Variants in ZBTB7C observed in about 807,000 individuals in gnomAD.
ZBTB7C encodes the protein zinc finger and BTB domain-containing protein 7C.
ZBTB7C carries 8 observed loss-of-function variants against 25.7 expected under a neutral mutation model. The ratio of observed to expected loss-of-function variants is 0.31; its 90% CI spans 0.18 to 0.56. ZBTB7C has a LOEUF of 0.56. ZBTB7C is among the 20% of genes least tolerant of loss of function. The pLI is 0.91. For synonymous variants in ZBTB7C, 394 were observed against 369.0 expected (o/e 1.07, Z -0.78); for missense variants, 824 against 855.2 (o/e 0.96, Z 0.46).
chr18:48,111,836 T>C (rs1446588658), intron 3 of ZBTB7C, among the ~76,000 whole-genome samples: 1 of 152,150 alleles, frequency 6.6e-6, no homozygotes, highest in African/African-American at 2.4e-5. Context: ...ATAAACACAG[T>C]TTTTGGCAGG....
intron 1 of ZBTB7C, among the ~76,000 whole-genome samples, chr18:48,399,522 G>A (rs984790984): frequency 2.6e-5 from 4 of 152,192 alleles, no homozygotes; most frequent in Non-Finnish European, 5.9e-5. Context: ...GCTGCAGAAG[G>A]ACTGGCCGGT....
chr18:48,058,700 C>G (rs914354450), intron 3 of ZBTB7C, among the ~76,000 whole-genome samples: 19 of 152,328 alleles, frequency 1.2e-4, no homozygotes, highest in Non-Finnish European at 2.4e-4. Flanking sequence ...TGCATTGTAT[C>G]AGGGCTGGTA....
intron 2 of ZBTB7C, among the ~76,000 whole-genome samples, chr18:48,199,552 T>C (rs938465640): frequency 2.6e-5 from 4 of 152,216 alleles, no homozygotes; most frequent in African/African-American, 7.2e-5. Context: ...TACAGTTTTA[T>C]TGAAGTTTTC....
intron 3 of ZBTB7C, among the ~76,000 whole-genome samples, chr18:48,108,110 C>T (rs957780498): frequency 6.6e-6 from 1 of 152,148 alleles, no homozygotes; most frequent in Non-Finnish European, 1.5e-5. Flanking sequence ...AGGGGAGATT[C>T]AGGCAGCTGG....
chr18:48,224,594 C>T (rs537683717), intron 2 of ZBTB7C, among the ~76,000 whole-genome samples: 13 of 152,256 alleles, frequency 8.5e-5, no homozygotes, highest in African/African-American at 2.9e-4. Flanking sequence ...CAGAGTTTTC[C>T]AGAACTCTGT....
At chr18:48,210,267 C>T (rs2042672380) in intron 2 of ZBTB7C, among the ~76,000 whole-genome samples, 1 of 152,110 alleles carries the variant, frequency 6.6e-6, no homozygotes, top group Non-Finnish European at 1.5e-5. Context: ...GGCAGTTACT[C>T]AAAAGGTTAA....
chr18:48,296,367 T>C (rs1324712788), intron 2 of ZBTB7C, among the ~76,000 whole-genome samples: 1 of 152,124 alleles, frequency 6.6e-6, no homozygotes. Context: ...CCTCTAGTGG[T>C]CCCCGCTAAC....
chr18:48,351,353 G>A (rs1257962319), intron 1 of ZBTB7C, among the ~76,000 whole-genome samples: 2 of 152,078 alleles, frequency 1.3e-5, no homozygotes, highest in Non-Finnish European at 2.9e-5. Flanking sequence ...GGACAAAGCC[G>A]GCAGCCAGCA....
At chr18:48,143,758 C>T (rs2040418943) in intron 3 of ZBTB7C, among the ~76,000 whole-genome samples, 1 of 152,156 alleles carries the variant, frequency 6.6e-6, no homozygotes, top group Non-Finnish European at 1.5e-5. Flanking sequence ...ACCTGTTGGC[C>T]TGCCTTCTGC....
intron 3 of ZBTB7C, among the ~76,000 whole-genome samples, chr18:48,123,918 A>G (rs895622906): frequency 6.6e-6 from 1 of 152,042 alleles, no homozygotes; most frequent in African/African-American, 2.4e-5. Context: ...TTTATGTTCG[A>G]TGTTCAGCTC....
At chr18:48,141,151 C>CCT (rs1555699051) in intron 3 of ZBTB7C, among the ~76,000 whole-genome samples, 2 of 145,372 alleles carry the variant, frequency 1.4e-5, no homozygotes, top group Non-Finnish European at 3.0e-5. Context: ...GCACCACCCC[C>CCT]CCCACTGTTC....
intron 2 of ZBTB7C, among the ~76,000 whole-genome samples, chr18:48,269,860 C>A (rs62086473): frequency 0.028 from 4,237 of 152,220 alleles, 87 homozygotes; most frequent in Non-Finnish European, 0.042. Context: ...CTAGTCCACA[C>A]TGGAGGTTCA....
At chr18:48,087,861 A>T (rs924774606) in intron 3 of ZBTB7C, 1 of 116,134 alleles carries the variant, frequency 8.6e-6, no homozygotes, top group Non-Finnish European at 1.8e-5. Flanking sequence ...GGGGGGGGGC[A>T]TTTTTCCATA....
At chr18:48,187,841 AAGAC>A (rs1371623652) in intron 2 of ZBTB7C, among the ~76,000 whole-genome samples, 1 of 149,262 alleles carries the variant, frequency 6.7e-6, no homozygotes, top group African/African-American at 2.5e-5. Context: ...AAAAAAAAAA[AAGAC>A]AGGAAGTAGA....
At chr18:48,313,493 G>A (rs1287660719) in intron 2 of ZBTB7C, among the ~76,000 whole-genome samples, 2 of 152,196 alleles carry the variant, frequency 1.3e-5, no homozygotes, top group Non-Finnish European at 2.9e-5. Flanking sequence ...CTGAGGTTCA[G>A]CCTGCAATCA....
chr18:48,412,531 C>T (rs1250057798), upstream of ZBTB7C, among the ~76,000 whole-genome samples: 2 of 152,100 alleles, frequency 1.3e-5, no homozygotes, highest in Non-Finnish European at 2.9e-5. Context: ...CAGAAGTTCA[C>T]GAGCATCCTC....
chr18:48,331,230 C>A (rs1191143468), intron 2 of ZBTB7C, among the ~76,000 whole-genome samples: 3 of 152,150 alleles, frequency 2.0e-5, no homozygotes, highest in Non-Finnish European at 4.4e-5. Context: ...GCTGCATGAG[C>A]CACCAAGAAA....
At chr18:48,399,319 TGAATTTTAAACCATGGA>T (rs1434075492) in intron 1 of ZBTB7C, among the ~76,000 whole-genome samples, 1 of 152,264 alleles carries the variant, frequency 6.6e-6, no homozygotes, top group Admixed American at 6.5e-5. Flanking sequence ...TTGTACCTTT[TGAATTTTAAACCATGGA>T]GGTGTTGACC....
At chr18:48,047,903 A>G (rs2036536080) in intron 3 of ZBTB7C, among the ~76,000 whole-genome samples, 1 of 152,246 alleles carries the variant, frequency 6.6e-6, no homozygotes, top group Non-Finnish European at 1.5e-5. Context: ...ACAGGTATGG[A>G]GAGGGCAGGT....
Sources: gnomAD v4.1 joint callset for allele counts (sites outside exome capture counted in the v4.1 genomes callset) on GRCh38, gnomAD v4.1.1 for gene constraint, MANE v1.5 for transcripts, NCBI Gene and HGNC (gene_info 2026-07-23, HGNC 2026-07-21) for gene names.